Variants in FBXL13 observed in about 807,000 individuals in gnomAD.
FBXL13 encodes F-box and leucine-rich repeat protein 13.
In FBXL13, 67 loss-of-function variants were observed where a neutral mutation model predicts 83.6. The ratio of observed to expected loss-of-function variants is 0.80; its 90% CI spans 0.66 to 0.98. The LOEUF (loss-of-function observed/expected upper bound fraction) is 0.98, where lower values mean the gene tolerates loss of function less well. Ranked by LOEUF, FBXL13 falls within the 50% of genes least tolerant of loss-of-function variation. The pLI is 0.00. For synonymous variants in FBXL13, 272 were observed against 299.5 expected, an observed-to-expected ratio of 0.91 and a Z score of 0.95; for missense variants, 822 against 866.5, an observed-to-expected ratio of 0.95 and a Z score of 0.64.
At chr7:102,970,388 A>G (rs1826503563) in intron 6 of FBXL13, among the ~76,000 whole-genome samples, 1 of 152,228 alleles carries the variant, frequency 6.6e-6, no homozygotes. Context: ...TTGTAACCAA[A>G]GGCCAGCGAT....
At chr7:103,014,921 CAAAAAAAAAAAAA>C (rs1166056647) in intron 6 of FBXL13, among the ~76,000 whole-genome samples, 27 of 20,626 alleles carry the variant, frequency 1.3e-3, no homozygotes, top group South Asian at 1.9e-3. Flanking sequence ...GACTCCGTCT[CAAAAAAAAAAAAA>C]AAAAAAAAAA....
chr7:102,811,328 A>G (rs115965653), downstream of FBXL13, among the ~76,000 whole-genome samples: 1,899 of 152,342 alleles, frequency 0.012, 47 homozygotes, highest in African/African-American at 0.044. Context: ...AATATGAAAT[A>G]CGTAAGGGCT....
intron 7 of FBXL13, among the ~76,000 whole-genome samples, chr7:102,967,024 C>A (rs565670466): frequency 6.6e-6 from 1 of 151,796 alleles, no homozygotes; most frequent in East Asian, 1.9e-4. Context: ...AGCTGGAGTG[C>A]GGTGGTGTGA....
chr7:103,023,839 TG>T (rs1343828550), intron 6 of FBXL13, among the ~76,000 whole-genome samples: 2 of 152,130 alleles, frequency 1.3e-5, no homozygotes, highest in Non-Finnish European at 2.9e-5. Context: ...TGGACGGAGT[TG>T]GAGACCATTA....
chr7:102,917,564 G>A (rs1177601599), intron 10 of FBXL13, among the ~76,000 whole-genome samples: 2 of 152,176 alleles, frequency 1.3e-5, no homozygotes, highest in African/African-American at 4.8e-5. Context: ...GAAGGAGAAA[G>A]GCACTGCAGC....
intron 6 of FBXL13, among the ~76,000 whole-genome samples, chr7:103,015,277 C>A (rs1792150627): frequency 1.3e-5 from 2 of 152,142 alleles, no homozygotes; most frequent in Admixed American, 1.3e-4. Flanking sequence ...CCTTGAAAAC[C>A]AGAACAAGAC....
intron 1 of FBXL13, among the ~76,000 whole-genome samples, chr7:103,060,066 T>C (rs866252758): frequency 2.2e-5 from 1 of 46,458 alleles, no homozygotes; most frequent in Admixed American, 2.0e-4. Context: ...ATATATATAC[T>C]TTTTTTTTTT....
In FBXL13 at chr7:102,996,128, G is replaced by A. The variant is rs368425201; in HGVS notation, c.496-28011C>T. ...TTAAACCCAGTTCTCCCTGAGTCCTGAGCCTGGACTTTTAATCAATATATT... is the reference window on the plus strand; with the variant it reads ...TTAAACCCAGTTCTCCCTGAGTCCTAAGCCTGGACTTTTAATCAATATATT... On this transcript the variant is annotated intron_variant, in intron 6 of 19. Coordinates refer to ENST00000313221, the Ensembl canonical transcript of FBXL13. 2.0e-4 allele frequency among the ~76,000 whole-genome samples: 30 copies of A among 152,308 alleles called. No homozygotes were observed. The East Asian group carries it at 4.8e-3, about 25-fold the overall frequency.
rs1344832126 is a variant in FBXL13 at position 103,067,502 on chromosome 7, C to CT, written c.-105+6743dup. ...AAGTGATGTTGAGTAACTTCTGGGG[C>CT]TAGGTTATAAAAGGAGATTTTACTT... On this transcript the variant is annotated intron_variant, in intron 1 of 19. Coordinates refer to ENST00000313221, the Ensembl canonical transcript of FBXL13. Among the ~76,000 whole-genome samples, 3 of 152,264 alleles carry CT rather than the reference C, an allele frequency of 2.0e-5. No homozygotes were observed. The South Asian group carries it at 6.2e-4, about 32-fold the overall frequency.
chr7:102,870,597 A>G (rs1369409593), intron 16 of FBXL13, among the ~76,000 whole-genome samples: 1 of 152,192 alleles, frequency 6.6e-6, no homozygotes. Context: ...CAGGAGGTGT[A>G]ACATACAGAA....
chr7:102,933,796 G>A, intron 8 of FBXL13: 2 of 1,102,898 alleles, frequency 1.8e-6, no homozygotes, highest in Middle Eastern at 3.0e-4. Context: ...ACGTACCCCA[G>A]CTGGGTCTCA....
chr7:103,020,992 C>T (rs528812245), intron 6 of FBXL13, among the ~76,000 whole-genome samples: 132 of 152,212 alleles, frequency 8.7e-4, no homozygotes, highest in African/African-American at 3.0e-3. Flanking sequence ...CTTTAAAGTT[C>T]GTATGGAACC....
At chr7:102,974,928 A>G (rs1271393359) in intron 6 of FBXL13, among the ~76,000 whole-genome samples, 1 of 152,008 alleles carries the variant, frequency 6.6e-6, no homozygotes, top group Non-Finnish European at 1.5e-5. Flanking sequence ...CAATTCTAGC[A>G]TTGTCTGTAC....
chr7:103,052,571 T>A (rs991497039), intron 2 of FBXL13, among the ~76,000 whole-genome samples: 1 of 152,200 alleles, frequency 6.6e-6, no homozygotes, highest in Non-Finnish European at 1.5e-5. Context: ...TGTCTAACCT[T>A]AACAAATATT....
At chr7:102,875,385 C>T (rs1485014871) in intron 16 of FBXL13, among the ~76,000 whole-genome samples, 1 of 151,008 alleles carries the variant, frequency 6.6e-6, no homozygotes, top group South Asian at 2.1e-4. Context: ...AAGGAGAGGA[C>T]AGGGGAAAAG....
intron 8 of FBXL13, among the ~76,000 whole-genome samples, chr7:102,958,498 A>G (rs1284194333): frequency 1.3e-5 from 2 of 150,134 alleles, no homozygotes; most frequent in Non-Finnish European, 2.9e-5. Flanking sequence ...ACAAACCTGC[A>G]TGTTGTGCAC....
At chr7:102,986,572 G>C (rs1201668610) in intron 6 of FBXL13, among the ~76,000 whole-genome samples, 2 of 152,156 alleles carry the variant, frequency 1.3e-5, no homozygotes, top group East Asian at 3.9e-4. Flanking sequence ...GATGTGGACT[G>C]AAGTCCAGTT....
In FBXL13 at chr7:103,067,432, T is replaced by C. The variant is rs555600098; in HGVS notation, c.-105+6814A>G. Among the ~76,000 whole-genome samples, 12 of 152,350 alleles carry C rather than the reference T, an allele frequency of 7.9e-5. 1 individual carries two copies. In the South Asian group the frequency reaches 2.5e-3, roughly 32 times the overall value. ...GGTTTAATTCCTCTCCTCTTGAATA[T>C]GGATTAGTCTTAATAATCCACTTGT... is the stretch of plus-strand genomic sequence containing the variant. On this transcript the variant is annotated intron_variant, in intron 1 of 19. Coordinates refer to ENST00000313221, the Ensembl canonical transcript of FBXL13.
At chr7:103,032,150 T>C (rs1272681113) in intron 2 of FBXL13, among the ~76,000 whole-genome samples, 1 of 152,174 alleles carries the variant, frequency 6.6e-6, no homozygotes, top group Non-Finnish European at 1.5e-5. Flanking sequence ...AAAGATATTA[T>C]ATGTAGCATG....
Sources: gnomAD v4.1 joint callset for allele counts (sites outside exome capture counted in the v4.1 genomes callset) on GRCh38, gnomAD v4.1.1 for gene constraint, MANE v1.5 for transcripts, NCBI Gene and HGNC (gene_info 2026-07-23, HGNC 2026-07-21) for gene names.